Variants in SCIN observed in about 807,000 individuals in gnomAD.
The protein encoded by SCIN is scinderin.
SCIN carries 91 observed loss-of-function variants against 91.8 expected under a neutral mutation model. The observed-to-expected ratio is 0.99, with a 90% confidence interval of 0.84 to 1.18. SCIN has a LOEUF of 1.18. Ranked by LOEUF, SCIN falls within the 50% of genes most tolerant of loss-of-function variation. The probability of loss-of-function intolerance (pLI) is 0.00; values close to 1 mark genes in which losing one functional copy is unlikely to be tolerated. For synonymous variants in SCIN, 367 were observed against 312.6 expected (o/e 1.17, Z -1.84); for missense variants, 1,087 against 863.9 (o/e 1.26, Z -3.24).
At chr7:12,640,677 G>C (rs1412098076) in intron 11 of SCIN, among the ~76,000 whole-genome samples, 160 bp downstream of exon 11, 1 of 152,222 alleles carries the variant, frequency 6.6e-6, no homozygotes, top group East Asian at 1.9e-4. Context: ...AAGCAGGAGA[G>C]TTGAGTAAAA....
chr7:12,598,515 A>T (rs1333039346), intron 3 of SCIN, among the ~76,000 whole-genome samples: 1 of 152,218 alleles, frequency 6.6e-6, no homozygotes, highest in East Asian at 1.9e-4. Flanking sequence ...TTCAAATTTG[A>T]TGAAATACTA....
At chr7:12,649,144 T>C (rs1339912601) in intron 13 of SCIN, among the ~76,000 whole-genome samples, 1 of 152,180 alleles carries the variant, frequency 6.6e-6, no homozygotes, top group African/African-American at 2.4e-5. Context: ...CTCGAGTGCA[T>C]GCCTCAAGAC....
Position 12,644,146 on chromosome 7 carries a change from T to G in SCIN, c.1590T>G (p.Val530=), listed in dbSNP as rs1327523835. The G allele has an allele frequency of 2.5e-6, 4 of 1,612,036 alleles. No homozygotes were observed. Among genetic ancestry groups the G allele is most frequent in the Non-Finnish European group, 2.5e-6 (3 of 1,178,822 alleles). The change falls in exon 12 of 16, where the codon GTT becomes GTG. Residue 530 remains valine (V), a synonymous_variant. Transcript: ENST00000297029. ...ASITRIVEVD[V]DANSLNSNDV... is the part of the protein sequence containing the mutation. ...TTTTCTTCATATTCCAGGTTGATGT[T>G]GATGCAAATTCACTGAATTCTAACG...
Position 12,652,639 on chromosome 7 carries a change from T to C in SCIN, c.2072T>C (p.Ile691Thr). 6.2e-7 allele frequency: 1 copy of C among 1,612,158 alleles called. No homozygotes were observed. The highest frequency in any genetic ancestry group is 1.1e-5 in the South Asian group (1 of 90,628). ...TCTGGAAGAGACAAGAGGACACCAA[T>C]TGTCATCATAAAACAGGGCCATGAG... ...DPSGRDKRTP[I>T]VIIKQGHEPP... Residue 691 changes from isoleucine to threonine, a missense_variant, in exon 16 of 16, where the codon ATT (isoleucine) becomes ACT (threonine). By Grantham distance (89) the Ile-to-Thr change is moderately conservative. Coordinates refer to ENST00000297029, the MANE Select transcript of SCIN (RefSeq NM_001112706.3).
intron 3 of SCIN, among the ~76,000 whole-genome samples, chr7:12,583,300 T>C (rs1782526122): frequency 1.3e-5 from 2 of 152,130 alleles, no homozygotes; most frequent in African/African-American, 4.8e-5. Context: ...TGATACCACT[T>C]TTATCCTTAG....
At chr7:12,574,188 G>C (rs992699406) in intron 1 of SCIN, among the ~76,000 whole-genome samples, 2 of 152,218 alleles carry the variant, frequency 1.3e-5, no homozygotes, top group East Asian at 1.9e-4. Context: ...TTGTACATCT[G>C]TACCAACTAA....
intron 3 of SCIN, chr7:12,596,173 C>T: frequency 3.1e-6 from 1 of 317,604 alleles, no homozygotes; most frequent in South Asian, 2.8e-5. Flanking sequence ...GGGCTGCCTT[C>T]ATGTGCAGTG....
chr7:12,632,350 T>C (rs1437339277), intron 9 of SCIN, among the ~76,000 whole-genome samples: 1 of 152,024 alleles, frequency 6.6e-6, no homozygotes, highest in Non-Finnish European at 1.5e-5. Context: ...AGGCTGGTCT[T>C]GCACTCCTGA....
chr7:12,644,134 C>T lies in SCIN; in HGVS notation c.1582-4C>T. On this transcript the variant is annotated splice_polypyrimidine_tract_variant and splice_region_variant and intron_variant, in intron 11 of 15. Transcript: ENST00000297029. ...TCATTGTTTTATTTTTCTTCATATT[C>T]CAGGTTGATGTTGATGCAAATTCAC... The T allele has an allele frequency of 6.2e-7, 1 of 1,609,188 alleles. No homozygotes were observed. Among genetic ancestry groups the T allele is most frequent in the Non-Finnish European group, 8.5e-7 (1 of 1,177,068 alleles).
intron 1 of SCIN, among the ~76,000 whole-genome samples, chr7:12,573,641 C>A (rs141298555): frequency 6.6e-6 from 1 of 152,236 alleles, no homozygotes; most frequent in East Asian, 1.9e-4. Flanking sequence ...TTAAATGCAT[C>A]CATTCACCTC....
chr7:12,593,650 G>A (rs1782774613), intron 3 of SCIN, among the ~76,000 whole-genome samples: 1 of 152,138 alleles, frequency 6.6e-6, no homozygotes, highest in Non-Finnish European at 1.5e-5. Flanking sequence ...TCTGCCTTTT[G>A]GGAAATGTCT....
chr7:12,594,773 G>A (rs920360265), intron 3 of SCIN, among the ~76,000 whole-genome samples: 1 of 152,168 alleles, frequency 6.6e-6, no homozygotes, highest in African/African-American at 2.4e-5. Flanking sequence ...GTATGGAATA[G>A]AGGAGGTAGC....
intron 4 of SCIN, among the ~76,000 whole-genome samples, chr7:12,619,151 G>A (rs1316615179): frequency 6.6e-6 from 1 of 152,026 alleles, no homozygotes; most frequent in Non-Finnish European, 1.5e-5. Flanking sequence ...GCACCAGCTT[G>A]GCACATTTTC....
At chr7:12,595,970 A>G (rs1438685337) in intron 3 of SCIN, among the ~76,000 whole-genome samples, 1 of 152,196 alleles carries the variant, frequency 6.6e-6, no homozygotes, top group Admixed American at 6.5e-5. Context: ...ACTGACGGGC[A>G]TAAGGCAGAC....
intron 4 of SCIN, 127 bp downstream of exon 4, chr7:12,604,790 T>C: frequency 1.4e-6 from 1 of 727,682 alleles, no homozygotes. Flanking sequence ...CATGTTTCAA[T>C]AGTGAGCCTA....
rs1473975448 is a variant in SCIN, at chr7:12,603,662, T to C, written c.517-852T>C. ...ATACCTTCTGGACACTATACCAAAA[T>C]CTACAATCTAAAATATATAGTAGTT... On this transcript the variant is annotated intron_variant, in intron 3 of 15. Transcript: ENST00000297029. Among the ~76,000 whole-genome samples, 11 of 152,258 alleles carry C rather than the reference T, an allele frequency of 7.2e-5. No individual in the cohort carries two copies. In the South Asian group the frequency reaches 1.0e-3, roughly 14 times the overall value.
At chr7:12,626,341 T>C (rs1488950106) in intron 7 of SCIN, 1 of 483,532 alleles carries the variant, frequency 2.1e-6, no homozygotes, top group Non-Finnish European at 3.6e-6. Context: ...GTGAACCTTA[T>C]GTAGAAAGAC....
Position 12,604,606 on chromosome 7 carries a change from A to G in SCIN, c.609A>G (p.Lys203=). The G allele has an allele frequency of 6.4e-7, 1 of 1,552,246 alleles. No homozygotes were observed. The highest frequency in any genetic ancestry group is 8.7e-7 in the Non-Finnish European group (1 of 1,147,110). ...VATGIRYNER[K]GRSELIVVEE... ...CTGGCATTCGGTACAATGAAAGGAAAGGAAGGTCTGAACTAATTGTCGTGG... is the reference window on the plus strand; with the variant it reads ...CTGGCATTCGGTACAATGAAAGGAAGGGAAGGTCTGAACTAATTGTCGTGG... Residue 203 remains lysine (K), a synonymous_variant, in exon 4 of 16, where the codon AAA becomes AAG. Transcript: ENST00000297029.
At chr7:12,588,259 G>C (rs1456619599) in intron 3 of SCIN, among the ~76,000 whole-genome samples, 2 of 152,190 alleles carry the variant, frequency 1.3e-5, no homozygotes, top group East Asian at 3.9e-4. Context: ...TTTATTCTGT[G>C]CCTAGTGCGT....
Sources: allele counts gnomAD v4.1 joint callset (sites outside exome capture counted in the v4.1 genomes callset), GRCh38; gene constraint gnomAD v4.1.1; transcripts MANE v1.5; gene names NCBI Gene and HGNC (gene_info 2026-07-23, HGNC 2026-07-21).